ZNF831: variants seen among roughly 807,000 people sequenced by gnomAD.
The protein encoded by ZNF831 is zinc finger protein 831, also known as chromosome 20 open reading frame 174.
ZNF831 carries 59 observed loss-of-function variants against 95.8 expected under a neutral mutation model. The ratio of observed to expected loss-of-function variants is 0.62; its 90% CI spans 0.50 to 0.77. ZNF831 has a LOEUF of 0.77. Ranked by LOEUF, ZNF831 falls within the 30% of genes least tolerant of loss-of-function variation. ZNF831 has a pLI of 0.00. For missense variants in ZNF831, 2,205 were observed against 2,164.0 expected (o/e 1.02, Z -0.38); for synonymous variants, 961 against 925.5 (o/e 1.04, Z -0.70).
chr20:59,133,814 C>T (rs6026715), intron 1 of ZNF831, among the ~76,000 whole-genome samples: 152 of 152,346 alleles, frequency 1.0e-3, no homozygotes, highest in African/African-American at 3.4e-3. Flanking sequence ...GAGTGCATGC[C>T]TCCCCCTGGC....
chr20:59,139,351 G>A (rs763046108), intron 1 of ZNF831, among the ~76,000 whole-genome samples: 2 of 151,968 alleles, frequency 1.3e-5, no homozygotes, highest in Non-Finnish European at 2.9e-5. Context: ...TCTCTGAGAT[G>A]GAAACTTGAA....
intron 4 of ZNF831, among the ~76,000 whole-genome samples, chr20:59,243,734 C>T (rs1987452978): frequency 1.3e-5 from 2 of 152,140 alleles, no homozygotes; most frequent in Admixed American, 6.5e-5. Context: ...TACAGAATTG[C>T]TGAAACAGGA....
chr20:59,232,885 C>T (rs916600269), intron 4 of ZNF831, among the ~76,000 whole-genome samples: 18 of 152,178 alleles, frequency 1.2e-4, no homozygotes, highest in African/African-American at 3.9e-4. Flanking sequence ...TGGAGCACTA[C>T]GTTTCAGATC....
chr20:59,151,573 AAGATTCCACCTG>A (rs941630856), intron 2 of ZNF831, among the ~76,000 whole-genome samples: 3 of 152,218 alleles, frequency 2.0e-5, no homozygotes, highest in Non-Finnish European at 4.4e-5. Context: ...ATACCGAGCC[AAGATTCCACCTG>A]AGTTCTGCAG....
In ZNF831 at chr20:59,193,367, C is replaced by T. The variant is rs767180701; in HGVS notation, c.2348C>T (p.Pro783Leu). The T allele has an allele frequency of 1.2e-6, 2 of 1,609,228 alleles. No homozygotes were observed. Among genetic ancestry groups the T allele is most frequent in the Admixed American group, 1.7e-5 (1 of 59,498 alleles). ...GCTCCCAGGCCAGTTTGGCCGGACCCCAAGCTGGAAGGAGGTGCCCGAGGT... is the reference window on the plus strand; with the variant it reads ...GCTCCCAGGCCAGTTTGGCCGGACCTCAAGCTGGAAGGAGGTGCCCGAGGT... Reference protein sequence around the residue: ...VEAPRPVWPDPKLEGGARGVG... With the variant: ...VEAPRPVWPDLKLEGGARGVG... The change falls in exon 2 of 6, where the codon CCC becomes CTC. Residue 783 changes from proline to leucine, a missense_variant. Coordinates refer to ENST00000371030, the MANE Select transcript of ZNF831 (RefSeq NM_178457.3).
At position 59,192,580 on chromosome 20, in the gene ZNF831, G is replaced by A. The variant is rs763411148; in HGVS notation, c.1561G>A (p.Glu521Lys). ...EGSRTWLEPR[E>K]PRDPWSRTQK... ...CTCCAGGACGTGGCTGGAGCCCAGG[G>A]AGCCCCGGGACCCCTGGTCCAGGAC... The change falls in exon 2 of 6, where the codon GAG (glutamate) becomes AAG (lysine). Residue 521 changes from glutamate (E) to lysine (K), a missense_variant. Physicochemically the swap from Glu to Lys is moderately conservative, Grantham distance 56. Transcript: ENST00000371030. This position sits in a 1 kb window ranked among gnomAD's most constrained non-coding sequence, Gnocchi z 5.2. The A allele has an allele frequency of 1.6e-5, 24 of 1,515,114 alleles. No homozygotes were observed. In the African/African-American group the frequency reaches 3.2e-4, roughly 20 times the overall value. The allele number at this position is 1,515,114 out of a possible 1,614,324, so 93.9% of individuals were successfully genotyped here. A position where few individuals can be genotyped will look rare whatever the true frequency, so the allele number is the denominator to read the frequency against.
In ZNF831 at chr20:59,209,537, C is replaced by T. The variant is rs1192805197; in HGVS notation, c.4027+2481C>T. 5.3e-5 allele frequency among the ~76,000 whole-genome samples: 8 copies of T among 152,172 alleles called. 1 individual carries two copies. Among genetic ancestry groups the T allele is most frequent in the Non-Finnish European group, 1.2e-4 (8 of 68,012 alleles). ...AGATAGAGTGTAGGTGGGCTGGGCA[C>T]ATGCTGGGCCCCCAGAAGATGTGGG... is the stretch of plus-strand genomic sequence containing the variant. On this transcript the variant is annotated intron_variant, in intron 4 of 5. Transcript: ENST00000371030.
At chr20:59,225,587 C>T (rs2146684666) in intron 4 of ZNF831, among the ~76,000 whole-genome samples, 1 of 152,340 alleles carries the variant, frequency 6.6e-6, no homozygotes, top group East Asian at 1.9e-4. Context: ...TGATCTGTGG[C>T]TCATATGCAG....
chr20:59,139,804 C>T (rs1979619372), intron 1 of ZNF831, among the ~76,000 whole-genome samples: 1 of 152,098 alleles, frequency 6.6e-6, no homozygotes, highest in South Asian at 2.1e-4. Flanking sequence ...TGAAGAAATG[C>T]CGTATAATCA....
upstream of ZNF831, among the ~76,000 whole-genome samples, chr20:59,161,531 G>A (rs1411785907): frequency 6.6e-6 from 1 of 152,150 alleles, no homozygotes; most frequent in South Asian, 2.1e-4. Flanking sequence ...CGCCTGCCTT[G>A]GCCTCCCAAA....
rs944018363 is a variant in ZNF831 at position 59,164,202 on chromosome 20, A to T, written c.-42A>T. 6.6e-6 allele frequency among the ~76,000 whole-genome samples: 1 copy of T among 152,210 alleles called. No individual in the cohort carries two copies. The highest frequency in any genetic ancestry group is 1.5e-5 in the Non-Finnish European group (1 of 68,046). ...ATTGGCTGAAAACACTCCACTGTTT[A>T]TAAAGGTATGTAACATGCTCCATGA... On this transcript the variant is annotated 5_prime_UTR_variant, in exon 1 of 6. Coordinates refer to ENST00000371030, the MANE Select transcript of ZNF831 (RefSeq NM_178457.3).
intron 1 of ZNF831, among the ~76,000 whole-genome samples, chr20:59,178,889 A>G (rs1047091688): frequency 1.3e-5 from 2 of 152,176 alleles, no homozygotes; most frequent in Non-Finnish European, 2.9e-5. Flanking sequence ...TTGGAAATGC[A>G]TGGTGGGATT....
At chr20:59,125,939 G>A (rs1284402299) in intron 1 of ZNF831, among the ~76,000 whole-genome samples, 1 of 152,008 alleles carries the variant, frequency 6.6e-6, no homozygotes, top group Non-Finnish European at 1.5e-5. Context: ...GGCCCACCAG[G>A]TGGGTGCAAC....
intron 2 of ZNF831, among the ~76,000 whole-genome samples, chr20:59,155,748 A>C (rs1009575631): frequency 1.3e-5 from 2 of 152,202 alleles, no homozygotes; most frequent in African/African-American, 2.4e-5. Context: ...TGGCTCTAAA[A>C]TTCCAAAAGT....
At chr20:59,198,728 C>A (rs1984304636) in intron 3 of ZNF831, among the ~76,000 whole-genome samples, 1 of 152,298 alleles carries the variant, frequency 6.6e-6, no homozygotes, top group African/African-American at 2.4e-5. Flanking sequence ...AGCTGTTGAG[C>A]TTTTTATATG....
At chr20:59,166,633 A>G (rs1050961039) in intron 1 of ZNF831, among the ~76,000 whole-genome samples, 8 of 151,932 alleles carry the variant, frequency 5.3e-5, no homozygotes, top group African/African-American at 1.9e-4. Flanking sequence ...CTCCAGTTTT[A>G]TAATTTGTCA....
intron 1 of ZNF831, among the ~76,000 whole-genome samples, chr20:59,173,286 A>T (rs182110432): frequency 6.6e-6 from 1 of 152,306 alleles, no homozygotes; most frequent in Non-Finnish European, 1.5e-5. Context: ...TTCAACTGCC[A>T]TTTTAATTCA....
At chr20:59,135,389 C>T (rs1979469563) in intron 1 of ZNF831, among the ~76,000 whole-genome samples, 1 of 151,932 alleles carries the variant, frequency 6.6e-6, no homozygotes, top group Non-Finnish European at 1.5e-5. Flanking sequence ...AGTTTGAGAT[C>T]AGCCTTGGCA....
Position 59,253,865 on chromosome 20 carries a change from C to CA in ZNF831, c.4189-33_4189-32insA, listed in dbSNP as rs763771255. 85 of 1,131,628 alleles carry CA rather than the reference C, an allele frequency of 7.5e-5. 15 individuals carry two copies. Among genetic ancestry groups the CA allele is most frequent in the Admixed American group, 1.9e-4 (8 of 42,772 alleles). The allele number at this position is 1,131,628 out of a possible 1,614,324, so 70.1% of individuals were successfully genotyped here. On this transcript the variant is annotated intron_variant, in intron 5 of 5. Coordinates refer to ENST00000371030, the MANE Select transcript of ZNF831 (RefSeq NM_178457.3). ...TTCTTTGTACCAATTAACCTCCCCC[C>CA]CCACTTTTTTTTTCCTTTGCACTTT...
Sources: gnomAD v4.1 joint callset for allele counts (sites outside exome capture counted in the v4.1 genomes callset) on GRCh38, gnomAD v4.1.1 for gene constraint, Gnocchi (gnomAD v3.1) non-coding constraint, MANE v1.5 for transcripts, NCBI Gene and HGNC (gene_info 2026-07-23, HGNC 2026-07-21) for gene names.